Variants in KCNQ3 observed in about 807,000 individuals in gnomAD.
KCNQ3 encodes the protein potassium voltage-gated channel subfamily KQT member 3.
Under a neutral mutation model 92.5 loss-of-function variants are expected in KCNQ3, and 30 were observed. The observed-to-expected ratio is 0.32, with a 90% CI of 0.24 to 0.44. The LOEUF (loss-of-function observed/expected upper bound fraction) is 0.44. Ranked by LOEUF, KCNQ3 falls within the 20% of genes least tolerant of loss-of-function variation. The probability of loss-of-function intolerance (pLI) is 1.00; values close to 1 mark genes in which losing one functional copy is unlikely to be tolerated. For synonymous variants in KCNQ3, 450 were observed against 468.8 expected, an observed-to-expected ratio of 0.96 and a Z score of 0.52; for missense variants, 913 against 1,140.3, an observed-to-expected ratio of 0.80 and a Z score of 2.87.
chr8:132,396,932 TAAA>T (rs1820206889), intron 1 of KCNQ3, among the ~76,000 whole-genome samples: 1 of 150,328 alleles, frequency 6.7e-6, no homozygotes, highest in South Asian at 2.1e-4. Context: ...GGGGATGGGA[TAAA>T]AATTGTGTGT....
At chr8:132,201,547 T>A (rs1827459469) in intron 1 of KCNQ3, among the ~76,000 whole-genome samples, 1 of 150,208 alleles carries the variant, frequency 6.7e-6, no homozygotes, top group Non-Finnish European at 1.5e-5. Flanking sequence ...AAAGAAAAAA[T>A]AGGCAAGAAG....
At chr8:132,447,004 T>TTACC (rs1229456980) in intron 1 of KCNQ3, among the ~76,000 whole-genome samples, 1 of 152,184 alleles carries the variant, frequency 6.6e-6, no homozygotes, top group Non-Finnish European at 1.5e-5. Flanking sequence ...ATTCATCTCA[T>TTACC]TACCATTAGG....
chr8:132,150,945 G>A (rs372597658), intron 9 of KCNQ3, among the ~76,000 whole-genome samples: 9 of 151,078 alleles, frequency 6.0e-5, no homozygotes, highest in Admixed American at 2.7e-4. Flanking sequence ...GTAATTTCAC[G>A]TGGCTTTAAT....
At chr8:132,323,779 G>A (rs1817961766) in intron 1 of KCNQ3, among the ~76,000 whole-genome samples, 1 of 152,054 alleles carries the variant, frequency 6.6e-6, no homozygotes, top group Non-Finnish European at 1.5e-5. Context: ...AGACAACTGT[G>A]GGTCTCGGCC....
intron 1 of KCNQ3, among the ~76,000 whole-genome samples, chr8:132,233,518 C>T (rs1392044985): frequency 6.6e-6 from 1 of 152,168 alleles, no homozygotes; most frequent in Non-Finnish European, 1.5e-5. Context: ...GAGCTGCAGC[C>T]TTAACATTAG....
chr8:132,160,724 G>A (rs934263179), intron 9 of KCNQ3, among the ~76,000 whole-genome samples: 10 of 151,652 alleles, frequency 6.6e-5, no homozygotes, highest in African/African-American at 2.4e-4. Context: ...GGATTTGTTT[G>A]AGGAATAAAA....
In KCNQ3 at chr8:132,183,450, G is replaced by A. The variant is rs143116449; in HGVS notation, c.604+791C>T. 3.4e-3 allele frequency among the ~76,000 whole-genome samples: 520 copies of A among 152,210 alleles called. 3 individuals are homozygous for A. The highest frequency in any genetic ancestry group is 0.012 in the African/African-American group (502 of 41,526). On this transcript the variant is annotated intron_variant, in intron 3 of 14. Transcript: ENST00000388996. ...GGAGCATCAGACACGATGGCAAGCT[G>A]GACTAAATGCCTTTGGAGGTCCTTC...
chr8:132,393,078 C>T (rs543279572), intron 1 of KCNQ3, among the ~76,000 whole-genome samples: 1 of 152,252 alleles, frequency 6.6e-6, no homozygotes, highest in South Asian at 2.1e-4. Context: ...TGTTACTGCT[C>T]TCCTACCCTT....
intron 1 of KCNQ3, among the ~76,000 whole-genome samples, chr8:132,437,765 C>T (rs1322871873): frequency 6.6e-6 from 1 of 152,184 alleles, no homozygotes; most frequent in African/African-American, 2.4e-5. Flanking sequence ...TCACTGAAAA[C>T]TCTGTCCCAG....
chr8:132,356,732 C>T (rs1011167204), intron 1 of KCNQ3, among the ~76,000 whole-genome samples: 7 of 152,190 alleles, frequency 4.6e-5, no homozygotes, highest in African/African-American at 1.7e-4. Flanking sequence ...TCAAAAACTC[C>T]AGCACCTGGC....
At chr8:132,235,702 C>A (rs1164404259) in intron 1 of KCNQ3, among the ~76,000 whole-genome samples, 1 of 152,212 alleles carries the variant, frequency 6.6e-6, no homozygotes, top group Non-Finnish European at 1.5e-5. Context: ...ACCATATAAC[C>A]TCCCAGGTCG....
At chr8:132,288,644 G>A (rs796410489) in intron 1 of KCNQ3, among the ~76,000 whole-genome samples, 26 of 152,152 alleles carry the variant, frequency 1.7e-4, no homozygotes, top group African/African-American at 6.0e-4. Flanking sequence ...TACTCCCAAA[G>A]CCATTTGTCC....
chr8:132,399,706 C>T (rs192353271), intron 1 of KCNQ3, among the ~76,000 whole-genome samples: 371 of 152,304 alleles, frequency 2.4e-3, no homozygotes, highest in Non-Finnish European at 4.6e-3. Context: ...TGTCTGTGTT[C>T]TTACTCGATG....
chr8:132,186,115 G>C lies in KCNQ3; in HGVS notation c.453C>G (p.Val151=). ...VLTTFKEYET[V]SGDWLLLLET... is the part of the protein sequence containing the mutation. The stretch of plus-strand genomic sequence containing the variant: ...CCAGTAACAGAAGCCAGTCTCCCGA[G>C]ACAGTCTCATACTCCTTGAATGTGG... Residue 151 remains valine, a synonymous_variant, in exon 2 of 15, where the codon GTC becomes GTG. Coordinates refer to ENST00000388996, the MANE Select transcript of KCNQ3 (RefSeq NM_004519.4). 2 of 1,613,628 alleles carry C rather than the reference G, an allele frequency of 1.2e-6. No individual in the cohort carries two copies. The highest frequency in any genetic ancestry group is 1.7e-6 in the Non-Finnish European group (2 of 1,179,582).
At chr8:132,174,413 T>A in intron 5 of KCNQ3, 64 bp from the exon 6 acceptor site, 1 of 1,239,068 alleles carries the variant, frequency 8.1e-7, no homozygotes, top group Admixed American at 2.0e-5. Flanking sequence ...ACGTGTTAAC[T>A]GAGCTCTACC....
rs554045815 is a variant in KCNQ3, at chr8:132,172,124, C to T, written c.1140+474G>A. 2.6e-5 allele frequency among the ~76,000 whole-genome samples: 4 copies of T among 151,992 alleles called. No individual in the cohort carries two copies. In the South Asian group the frequency reaches 8.3e-4, roughly 32 times the overall value. ...ATTGCTTGAGCCTGGGAGATGGAGGCTGCAGTGAGCTATGATCGCACCCTA... is the reference window on the plus strand; with the variant it reads ...ATTGCTTGAGCCTGGGAGATGGAGGTTGCAGTGAGCTATGATCGCACCCTA... On this transcript the variant is annotated intron_variant, in intron 7 of 14. Coordinates refer to ENST00000388996, the MANE Select transcript of KCNQ3 (RefSeq NM_004519.4).
At chr8:132,183,198 C>T (rs1381944972) in intron 3 of KCNQ3, among the ~76,000 whole-genome samples, 1 of 152,124 alleles carries the variant, frequency 6.6e-6, no homozygotes, top group East Asian at 1.9e-4. Flanking sequence ...GAGTATGATG[C>T]TGAGAATGCG....
chr8:132,442,371 G>A (rs899631699), intron 1 of KCNQ3, among the ~76,000 whole-genome samples: 11 of 152,068 alleles, frequency 7.2e-5, no homozygotes, highest in Admixed American at 7.2e-4. Flanking sequence ...GCTTAGCAAG[G>A]GGGTAATTTG....
chr8:132,354,443 CAG>C (rs1229494180), intron 1 of KCNQ3, among the ~76,000 whole-genome samples: 1 of 152,148 alleles, frequency 6.6e-6, no homozygotes, highest in African/African-American at 2.4e-5. Context: ...GGAATCAAAA[CAG>C]GGGGCATTAG....
Sources: allele counts gnomAD v4.1 joint callset (sites outside exome capture counted in the v4.1 genomes callset), GRCh38; gene constraint gnomAD v4.1.1; transcripts MANE v1.5; gene names NCBI Gene and HGNC (gene_info 2026-07-23, HGNC 2026-07-21).